The following KCNH8 variants were observed in gnomAD, a reference collection of about 807,000 sequenced individuals.
KCNH8 encodes potassium voltage-gated channel subfamily H member 8, also known as voltage-gated delayed rectifier potassium channel KCNH8.
Under a neutral mutation model 103.6 loss-of-function variants are expected in KCNH8, and 70 were observed. The ratio of observed to expected loss-of-function variants is 0.68; its 90% CI spans 0.56 to 0.82. The LOEUF is 0.82. Among genes scored for constraint, KCNH8 ranks in the 40% least tolerant of loss-of-function variants. The pLI, the probability that KCNH8 is intolerant of heterozygous loss-of-function variation, is 0.00. For missense variants in KCNH8, 1,217 were observed against 1,329.9 expected (o/e 0.92, Z 1.32); for synonymous variants, 498 against 489.4 (o/e 1.02, Z -0.23).
intron 8 of KCNH8, among the ~76,000 whole-genome samples, chr3:19,449,350 G>A (rs890311648): frequency 1.9e-4 from 28 of 149,962 alleles, no homozygotes; most frequent in Non-Finnish European, 1.0e-4. Flanking sequence ...TGGCAACAAG[G>A]ACTCTAAGCA....
At chr3:19,228,816 G>A (rs1289197925) in intron 1 of KCNH8, among the ~76,000 whole-genome samples, 2 of 152,174 alleles carry the variant, frequency 1.3e-5, no homozygotes, top group Non-Finnish European at 2.9e-5. Context: ...TAAGGCCAGA[G>A]AAAAAACAAA....
At chr3:19,503,245 T>G (rs193108283) in intron 11 of KCNH8, among the ~76,000 whole-genome samples, 6,746 of 150,284 alleles carry the variant, frequency 0.045, 203 homozygotes, top group Non-Finnish European at 0.073. Flanking sequence ...TTCACACCAG[T>G]TAGAATGGCA....
intron 15 of KCNH8, among the ~76,000 whole-genome samples, chr3:19,532,503 G>C (rs867082714): frequency 6.6e-6 from 1 of 152,152 alleles, no homozygotes; most frequent in Non-Finnish European, 1.5e-5. Context: ...CTTTGTCTCT[G>C]GCCTATAATA....
intron 5 of KCNH8, among the ~76,000 whole-genome samples, chr3:19,374,278 T>G (rs1302243695): frequency 1.3e-5 from 2 of 151,704 alleles, no homozygotes. Context: ...ACTGGCTTTA[T>G]GAATCTGGGT....
At chr3:19,290,709 T>A (rs2064907836) in intron 3 of KCNH8, among the ~76,000 whole-genome samples, 1 of 152,308 alleles carries the variant, frequency 6.6e-6, no homozygotes, top group South Asian at 2.1e-4. Context: ...TAAAATTCTC[T>A]TTTTTGGTTG....
intron 11 of KCNH8, among the ~76,000 whole-genome samples, chr3:19,472,712 C>A (rs1374511803): frequency 6.6e-6 from 1 of 152,122 alleles, no homozygotes; most frequent in Non-Finnish European, 1.5e-5. Context: ...AATTCAGTCA[C>A]TGATTAGATA....
intron 11 of KCNH8, among the ~76,000 whole-genome samples, chr3:19,495,981 C>T (rs1292311192): frequency 6.6e-6 from 1 of 151,242 alleles, no homozygotes; most frequent in Non-Finnish European, 1.5e-5. Flanking sequence ...AGATTACATT[C>T]TTGATTTGGC....
chr3:19,400,753 T>C (rs576659859), intron 7 of KCNH8, among the ~76,000 whole-genome samples: 6 of 151,994 alleles, frequency 3.9e-5, no homozygotes, highest in African/African-American at 1.4e-4. Flanking sequence ...TCATAAATGC[T>C]GATTGATTTG....
intron 1 of KCNH8, among the ~76,000 whole-genome samples, chr3:19,206,862 T>G (rs1290759521): frequency 6.6e-6 from 1 of 151,910 alleles, no homozygotes; most frequent in Non-Finnish European, 1.5e-5. Context: ...GCCTGCCAGA[T>G]ATGGCAGATA....
intron 4 of KCNH8, chr3:19,346,554 G>T (rs2065732128): frequency 2.2e-6 from 1 of 450,098 alleles, no homozygotes. Flanking sequence ...CCAGACAGGG[G>T]TGCGTTAATA....
intron 5 of KCNH8, among the ~76,000 whole-genome samples, chr3:19,382,456 C>T (rs1313308861): frequency 1.3e-5 from 2 of 152,124 alleles, no homozygotes; most frequent in African/African-American, 4.8e-5. Context: ...ATAGAAAGTA[C>T]TTAAACAATT....
chr3:19,514,000 AT>A (rs1344047055), intron 13 of KCNH8, among the ~76,000 whole-genome samples: 2 of 151,388 alleles, frequency 1.3e-5, no homozygotes, highest in East Asian at 1.9e-4. Context: ...CATGAAAAAA[AT>A]ATGTATTACT....
chr3:19,204,421 GAA>G (rs2063693397), intron 1 of KCNH8, among the ~76,000 whole-genome samples: 1 of 150,334 alleles, frequency 6.7e-6, no homozygotes, highest in Non-Finnish European at 1.5e-5. Context: ...GGGAGTGGGG[GAA>G]GAGAGAGAGA....
At chr3:19,318,784 T>A (rs2065311385) in intron 3 of KCNH8, among the ~76,000 whole-genome samples, 1 of 151,706 alleles carries the variant, frequency 6.6e-6, no homozygotes, top group Non-Finnish European at 1.5e-5. Context: ...TGTAAAGGTG[T>A]TCCCTTTTCA....
chr3:19,165,883 C>T (rs952856976), intron 1 of KCNH8, among the ~76,000 whole-genome samples: 1 of 152,154 alleles, frequency 6.6e-6, no homozygotes, highest in Non-Finnish European at 1.5e-5. Flanking sequence ...TCAACTAGGG[C>T]ATTTCTCCTC....
chr3:19,199,594 T>C (rs1360504514), intron 1 of KCNH8, among the ~76,000 whole-genome samples: 1 of 149,670 alleles, frequency 6.7e-6, no homozygotes, highest in East Asian at 1.9e-4. Flanking sequence ...AAATATATGA[T>C]GTATTATATA....
intron 1 of KCNH8, among the ~76,000 whole-genome samples, chr3:19,169,255 C>CTTTTTTTTTTTTTTTTTTT (rs768036667): frequency 6.4e-5 from 8 of 124,964 alleles, no homozygotes; most frequent in African/African-American, 9.5e-5. Context: ...TTCTTTCTTT[C>CTTTTTTTTTTTTTTTTTTT]TTTTTTTTTT....
intron 11 of KCNH8, among the ~76,000 whole-genome samples, chr3:19,508,347 G>A (rs982518307): frequency 6.6e-6 from 1 of 152,106 alleles, no homozygotes; most frequent in Non-Finnish European, 1.5e-5. Flanking sequence ...AAAATATATT[G>A]CATGCCAAAC....
chr3:19,353,792 A>C (rs1484297728), intron 5 of KCNH8, among the ~76,000 whole-genome samples: 13 of 152,214 alleles, frequency 8.5e-5, no homozygotes, highest in Admixed American at 8.5e-4. Context: ...GAATGGGCAA[A>C]CACTGGAAGC....
Sources: allele counts gnomAD v4.1 joint callset (sites outside exome capture counted in the v4.1 genomes callset), GRCh38; gene constraint gnomAD v4.1.1; transcripts MANE v1.5; gene names NCBI Gene and HGNC (gene_info 2026-07-23, HGNC 2026-07-21).